The following MTA1 variants were observed in gnomAD, a reference collection of about 807,000 sequenced individuals.
MTA1 encodes metastasis-associated protein MTA1.
In MTA1, 15 loss-of-function variants were observed where a neutral mutation model predicts 97.0. The ratio of observed to expected loss-of-function variants is 0.15; its 90% CI spans 0.10 to 0.24. MTA1 has a LOEUF of 0.24. MTA1 is among the 10% of genes least tolerant of loss of function. MTA1 has a pLI of 1.00. For missense variants in MTA1, 709 were observed against 1,015.1 expected (o/e 0.70, Z 4.10); for synonymous variants, 435 against 417.5 (o/e 1.04, Z -0.51).
At chr14:105,450,579 C>A (rs1191253395) in intron 6 of MTA1, among the ~76,000 whole-genome samples, 1 of 152,202 alleles carries the variant, frequency 6.6e-6, no homozygotes, top group Non-Finnish European at 1.5e-5. Flanking sequence ...GCCACCCAGA[C>A]AGCCAGCGAG....
At chr14:105,423,666 G>A (rs2081921368) in intron 1 of MTA1, among the ~76,000 whole-genome samples, 1 of 152,268 alleles carries the variant, frequency 6.6e-6, no homozygotes. Flanking sequence ...GCGCAGCCTG[G>A]GCGGAAGCAC....
At chr14:105,466,167 C>G in intron 16 of MTA1, 1 of 549,938 alleles carries the variant, frequency 1.8e-6, no homozygotes, top group Non-Finnish European at 3.2e-6. Flanking sequence ...GCCTGGCCCC[C>G]GCCAGGTGGT....
intron 6 of MTA1, among the ~76,000 whole-genome samples, chr14:105,453,215 C>T (rs1383447323): frequency 2.6e-5 from 4 of 152,408 alleles, no homozygotes; most frequent in Middle Eastern, 3.4e-3. Context: ...GCGCGGGTGG[C>T]GGCCGGCGGT....
intron 1 of MTA1, among the ~76,000 whole-genome samples, chr14:105,425,727 G>T (rs1355043055): frequency 6.7e-6 from 1 of 149,758 alleles, no homozygotes; most frequent in Admixed American, 6.6e-5. Context: ...ATGTCTGAGT[G>T]TGCGGACTGG....
At position 105,450,285 on chromosome 14, in the gene MTA1, C is replaced by T. The variant is rs781783960; in HGVS notation, c.393C>T (p.Leu131=). 3 of 1,608,108 alleles carry T rather than the reference C, an allele frequency of 1.9e-6. No homozygotes were observed. The highest frequency in any genetic ancestry group is 2.6e-6 in the Non-Finnish European group (3 of 1,175,786). ...HIRGKCSVTL[L]NETESLKSYL... ...GGGGCAAGTGCAGCGTCACCCTGCTCAACGAGACCGAGTCGCTCAAGTCCT... is the reference window on the plus strand; with the variant it reads ...GGGGCAAGTGCAGCGTCACCCTGCTTAACGAGACCGAGTCGCTCAAGTCCT... The change falls in exon 6 of 21, where the codon CTC becomes CTT. Residue 131 remains leucine (L), a synonymous_variant. Coordinates refer to ENST00000331320, the MANE Select transcript of MTA1 (RefSeq NM_004689.4).
At chr14:105,442,814 C>T (rs1177269375) in intron 2 of MTA1, among the ~76,000 whole-genome samples, 35 of 148,496 alleles carry the variant, frequency 2.4e-4, no homozygotes, top group Non-Finnish European at 3.6e-4. Flanking sequence ...GAACAGACCC[C>T]GAGTGTGACT....
intron 2 of MTA1, among the ~76,000 whole-genome samples, chr14:105,443,490 G>A (rs2082613017): frequency 6.6e-6 from 1 of 152,128 alleles, no homozygotes; most frequent in South Asian, 2.1e-4. Context: ...TCTCACCTCA[G>A]CCTCCCAAGT....
chr14:105,466,426 A>AGGGGGGGGGGGGGGGGGG lies in MTA1; in HGVS notation c.1626_1627insGGGGGGGGGGGGGGGGGG (p.Glu542_Thr543insGlyGlyGlyGlyGlyGly). On this transcript the variant is annotated inframe_insertion and splice_region_variant, in exon 17 of 21. Transcript: ENST00000331320. ...GTTCTGCCTGTGTCATTCCCGGCAG[A>AGGGGGGGGGGGGGGGGGG]GACCCACCCCCGCCCCCCCAAGCCT... 1 of 1,484,214 alleles carries AGGGGGGGGGGGGGGGGGG rather than the reference A, an allele frequency of 6.7e-7. No homozygotes were observed. Among genetic ancestry groups the AGGGGGGGGGGGGGGGGGG allele is most frequent in the Non-Finnish European group, 9.3e-7 (1 of 1,071,318 alleles). 91.9% of individuals were successfully genotyped at this position (1,484,214 alleles called of 1,614,324 possible).
chr14:105,445,477 C>T lies in MTA1; in HGVS notation c.156C>T (p.Ser52=), dbSNP rs1555426876. The change falls in exon 3 of 21, where the codon TCC becomes TCT. Residue 52 remains serine (S), a synonymous_variant. Coordinates refer to ENST00000331320, the MANE Select transcript of MTA1 (RefSeq NM_004689.4). ...VVCFYRRRDI[S]STLIALADKH... is the part of the protein sequence containing the mutation. The stretch of plus-strand genomic sequence containing the variant: ...GCTTCTACCGGAGGCGGGACATCTC[C>T]AGCACCCTCATCGCCCTGGCCGACA... 6.2e-7 allele frequency: 1 copy of T among 1,613,612 alleles called. No individual in the cohort carries two copies. Among genetic ancestry groups the T allele is most frequent in the Admixed American group, 1.7e-5 (1 of 60,024 alleles).
chr14:105,467,074 C>T (rs2083624714), intron 18 of MTA1: 2 of 478,380 alleles, frequency 4.2e-6, no homozygotes, highest in South Asian at 2.2e-5. Context: ...TGGGGCCGCC[C>T]GTGCTGTGCC....
chr14:105,464,092 C>T lies in MTA1; in HGVS notation c.1137C>T (p.Gly379=). 1 of 1,612,434 alleles carries T rather than the reference C, an allele frequency of 6.2e-7. No homozygotes were observed. Among genetic ancestry groups the T allele is most frequent in the Admixed American group, 1.7e-5 (1 of 59,974 alleles). The stretch of plus-strand genomic sequence containing the variant: ...ACGTCAAGGCCGGTGTGGTGAACGG[C>T]ACGGGGGCGCCGGGCCAGAGCCCTG... The part of the protein sequence containing the change: ...VNNVKAGVVN[G]TGAPGQSPGA... The change falls in exon 13 of 21, where the codon GGC becomes GGT. Residue 379 remains glycine (G), a synonymous_variant. Coordinates refer to ENST00000331320, the MANE Select transcript of MTA1 (RefSeq NM_004689.4).
chr14:105,464,571 AG>A lies in MTA1; in HGVS notation c.1344+12del, dbSNP rs587768865. On this transcript the variant is annotated splice_donor_5th_base_variant and intron_variant, in intron 14 of 20. Coordinates refer to ENST00000331320, the MANE Select transcript of MTA1 (RefSeq NM_004689.4). ...AGGACCAAACCGCAGTAACATGGTA[AG>A]GGGGGGGACACCCGCCCTGCCTGCC... 246 of 1,610,876 alleles carry A rather than the reference AG, an allele frequency of 1.5e-4. No homozygotes were observed. The highest frequency in any genetic ancestry group is 1.9e-4 in the Non-Finnish European group (222 of 1,178,864).
rs782141486 is a variant in MTA1, at chr14:105,460,778, A to G, written c.767A>G (p.Asp256Gly). ...CTCCTGCCGCAGTTCCACGCCATGG[A>G]TACTCTCCACAAGAACATCTACGAC... ...SRDITLFHAM[D>G]TLHKNIYDIS... Residue 256 changes from aspartate to glycine, a missense_variant, in exon 10 of 21, where the codon GAT (aspartate) becomes GGT (glycine). Asp to Gly is a moderately conservative substitution (Grantham distance 94). Transcript: ENST00000331320. The G allele has an allele frequency of 5.0e-6, 8 of 1,589,350 alleles. No individual in the cohort carries two copies. The African/African-American group carries it at 8.1e-5, about 16-fold the overall frequency.
At chr14:105,447,969 C>T (rs2082775665) in intron 3 of MTA1, among the ~76,000 whole-genome samples, 1 of 152,194 alleles carries the variant, frequency 6.6e-6, no homozygotes, top group Non-Finnish European at 1.5e-5. Context: ...CCACCCAGCC[C>T]CTGCTGGGGC....
chr14:105,461,588 C>T (rs2141659345), intron 10 of MTA1, among the ~76,000 whole-genome samples: 1 of 152,330 alleles, frequency 6.6e-6, no homozygotes, highest in Non-Finnish European at 1.5e-5. Context: ...CCCAAAGGGG[C>T]CGGGACACAG....
At chr14:105,469,253 C>T in intron 18 of MTA1, 3 of 630,554 alleles carry the variant, frequency 4.8e-6, no homozygotes, top group Non-Finnish European at 8.7e-6. Flanking sequence ...GCCAATGTGT[C>T]TCTTGCTGGC....
chr14:105,433,787 CCT>C (rs1362343538), intron 1 of MTA1, among the ~76,000 whole-genome samples: 7 of 152,148 alleles, frequency 4.6e-5, no homozygotes, highest in Admixed American at 4.6e-4. Flanking sequence ...CAAAACAAGT[CCT>C]CTCATGAGTG....
At chr14:105,439,838 G>A (rs1437945284) in intron 2 of MTA1, among the ~76,000 whole-genome samples, 3 of 152,188 alleles carry the variant, frequency 2.0e-5, no homozygotes. Flanking sequence ...TCTGGATGCT[G>A]CAGGCTCACC....
At chr14:105,468,245 G>A (rs1045285863) in intron 18 of MTA1, 24 of 1,233,622 alleles carry the variant, frequency 1.9e-5, no homozygotes, top group African/African-American at 4.7e-5. Flanking sequence ...AGCCTGTTGC[G>A]CTGTCCCCAC....
Sources: gnomAD v4.1 joint callset for allele counts (sites outside exome capture counted in the v4.1 genomes callset) on GRCh38, gnomAD v4.1.1 for gene constraint, MANE v1.5 for transcripts, NCBI Gene and HGNC (gene_info 2026-07-23, HGNC 2026-07-21) for gene names.